EYS: variants seen among roughly 807,000 people sequenced by gnomAD.
The protein encoded by EYS is protein eyes shut homolog.
EYS carries 250 observed loss-of-function variants against 282.1 expected under a neutral mutation model. The observed-to-expected ratio is 0.89, with a 90% CI of 0.80 to 0.98. The LOEUF is 0.98. Ranked by LOEUF, EYS falls within the 50% of genes least tolerant of loss-of-function variation. The probability of loss-of-function intolerance (pLI) is 0.00; values close to 1 mark genes in which losing one functional copy is unlikely to be tolerated. For synonymous variants in EYS, 1,355 were observed against 1,282.9 expected, an observed-to-expected ratio of 1.06 and a Z score of -1.20; for missense variants, 4,016 against 3,709.0, an observed-to-expected ratio of 1.08 and a Z score of -2.15.
intron 25 of EYS, 31 bp downstream of exon 25, chr6:64,593,086 A>T (rs1320634766): frequency 2.8e-6 from 4 of 1,420,712 alleles, no homozygotes; most frequent in Non-Finnish European, 3.7e-6. Context: ...TCAAACTCAA[A>T]CTTCTTAATA....
At chr6:64,247,256 G>A (rs1219943561) in intron 30 of EYS, among the ~76,000 whole-genome samples, 1 of 152,110 alleles carries the variant, frequency 6.6e-6, no homozygotes, top group Non-Finnish European at 1.5e-5. Flanking sequence ...AGTAATCAAG[G>A]TGACATAATT....
intron 12 of EYS, among the ~76,000 whole-genome samples, chr6:65,063,102 GA>G (rs1773627532): frequency 6.6e-6 from 1 of 151,828 alleles, no homozygotes; most frequent in Non-Finnish European, 1.5e-5. Flanking sequence ...AAATTACATA[GA>G]AATGCAACTG....
At chr6:65,063,022 T>C (rs1159239288) in intron 12 of EYS, among the ~76,000 whole-genome samples, 1 of 151,970 alleles carries the variant, frequency 6.6e-6, no homozygotes, top group African/African-American at 2.4e-5. Context: ...CAGCGCAAAG[T>C]TGGGCCACAT....
At chr6:64,080,369 G>A (rs1445809815) in intron 32 of EYS, among the ~76,000 whole-genome samples, 1 of 152,140 alleles carries the variant, frequency 6.6e-6, no homozygotes, top group Non-Finnish European at 1.5e-5. Context: ...TTTGAGAAGT[G>A]TCTGTTCATA....
chr6:64,323,713 C>T (rs1191048322), intron 29 of EYS, among the ~76,000 whole-genome samples: 1 of 152,010 alleles, frequency 6.6e-6, no homozygotes, highest in African/African-American at 2.4e-5. Context: ...TGAAAACATC[C>T]TAAATGTCCA....
At chr6:64,700,343 T>G in intron 22 of EYS, among the ~76,000 whole-genome samples, 1 of 152,044 alleles carries the variant, frequency 6.6e-6, no homozygotes, top group Non-Finnish European at 1.5e-5. Flanking sequence ...ATGCATACTT[T>G]CACCATTTCT....
intron 36 of EYS, among the ~76,000 whole-genome samples, chr6:63,833,053 G>C (rs1435758427): frequency 6.6e-6 from 1 of 152,126 alleles, no homozygotes; most frequent in Non-Finnish European, 1.5e-5. Context: ...ACTAGGTATT[G>C]ATGGGATGTA....
At chr6:64,694,716 C>T (rs6926501) in intron 22 of EYS, among the ~76,000 whole-genome samples, 9,349 of 152,204 alleles carry the variant, frequency 0.061, 329 homozygotes, top group East Asian at 0.15. Flanking sequence ...GAGAGGTAAA[C>T]GTAGCATAAG....
chr6:64,886,846 G>C lies in EYS; in HGVS notation c.2847-4C>G. 6.7e-7 allele frequency: 1 copy of C among 1,494,014 alleles called. No individual in the cohort carries two copies. The highest frequency in any genetic ancestry group is 1.3e-5 in the South Asian group (1 of 75,018). The allele number at this position is 1,494,014 out of a possible 1,614,324, so 92.5% of individuals were successfully genotyped here. A position where few individuals can be genotyped will look rare whatever the true frequency, so the allele number is the denominator to read the frequency against. On this transcript the variant is annotated splice_polypyrimidine_tract_variant and splice_region_variant and intron_variant, in intron 18 of 42. Transcript: ENST00000503581. Reference sequence around the variant, plus strand: ...AGGTTCACAATTACAAAAAAATCTGGAGAAAAGTGGAGAAATGAGGAATAG... The same window carrying C: ...AGGTTCACAATTACAAAAAAATCTGCAGAAAAGTGGAGAAATGAGGAATAG...
intron 29 of EYS, among the ~76,000 whole-genome samples, chr6:64,329,151 A>G (rs557335083): frequency 3.3e-5 from 5 of 152,276 alleles, no homozygotes; most frequent in African/African-American, 1.2e-4. Context: ...AAAGGACTTT[A>G]TGGTCCATAC....
chr6:63,779,729 A>G (rs1431468282), intron 39 of EYS, among the ~76,000 whole-genome samples: 1 of 150,972 alleles, frequency 6.6e-6, no homozygotes, highest in Admixed American at 6.6e-5. Context: ...TTTTGGAGGC[A>G]TAAAAAGCTT....
chr6:64,608,103 A>C (rs1766991917), intron 24 of EYS, among the ~76,000 whole-genome samples: 1 of 152,202 alleles, frequency 6.6e-6, no homozygotes, highest in Non-Finnish European at 1.5e-5. Flanking sequence ...TTAGCAGTGT[A>C]TGATATTGCA....
chr6:64,625,727 C>T (rs1024395257), intron 23 of EYS, among the ~76,000 whole-genome samples: 1 of 152,132 alleles, frequency 6.6e-6, no homozygotes, highest in African/African-American at 2.4e-5. Context: ...TTATTCAGCT[C>T]GTCCATCTCT....
In EYS at chr6:64,165,798, G is replaced by A. The variant is rs1434866756; in HGVS notation, c.6424+64794C>T. On this transcript the variant is annotated intron_variant, in intron 31 of 42. Coordinates refer to ENST00000503581, the MANE Select transcript of EYS (RefSeq NM_001142800.2). ...GACCTCAATTACGTTAGGTATTTGA[G>A]TGCTTATCCAATATACTGATTTGAT... 2.0e-5 allele frequency among the ~76,000 whole-genome samples: 3 copies of A among 152,156 alleles called. No individual in the cohort carries two copies. The South Asian group carries it at 6.2e-4, about 31-fold the overall frequency.
chr6:63,824,818 G>A (rs926008758), intron 36 of EYS, among the ~76,000 whole-genome samples: 3 of 152,074 alleles, frequency 2.0e-5, no homozygotes, highest in African/African-American at 7.3e-5. Flanking sequence ...CAGGAGGGTG[G>A]CCAGAGGAAC....
At chr6:65,684,706 C>T (rs1363435926) in intron 1 of EYS, among the ~76,000 whole-genome samples, 2 of 151,810 alleles carry the variant, frequency 1.3e-5, no homozygotes, top group Non-Finnish European at 2.9e-5. Flanking sequence ...TTTTTTCCAC[C>T]TTTTATTTTA....
chr6:64,118,137 C>T (rs954027225), intron 31 of EYS, among the ~76,000 whole-genome samples: 11 of 151,990 alleles, frequency 7.2e-5, no homozygotes, highest in African/African-American at 2.7e-4. Flanking sequence ...CTACAGATTA[C>T]ATGCAATCTC....
At chr6:65,283,145 A>G (rs1185378646) in intron 12 of EYS, among the ~76,000 whole-genome samples, 1 of 151,970 alleles carries the variant, frequency 6.6e-6, no homozygotes, top group Non-Finnish European at 1.5e-5. Context: ...TTTTTCCCAC[A>G]AAATTAAAAC....
chr6:64,503,475 T>A (rs1473779343), intron 26 of EYS, among the ~76,000 whole-genome samples: 1 of 152,194 alleles, frequency 6.6e-6, no homozygotes, highest in Non-Finnish European at 1.5e-5. Flanking sequence ...TTCCGTGGAA[T>A]TAAAGTGTTC....
Sources: gnomAD v4.1 joint callset for allele counts (sites outside exome capture counted in the v4.1 genomes callset) on GRCh38, gnomAD v4.1.1 for gene constraint, MANE v1.5 for transcripts, NCBI Gene and HGNC (gene_info 2026-07-23, HGNC 2026-07-21) for gene names.